LRRC37A2: variants seen among roughly 807,000 people sequenced by gnomAD.
The protein encoded by LRRC37A2 is leucine-rich repeat-containing protein 37A2.
In LRRC37A2, 9 loss-of-function variants were observed where a neutral mutation model predicts 68.8. That is an observed-to-expected ratio of 0.13 (90% CI 0.08 to 0.23). The LOEUF is 0.23. Among genes scored for constraint, LRRC37A2 ranks in the 10% least tolerant of loss-of-function variants. The pLI is 1.00. For synonymous variants in LRRC37A2, 63 were observed against 367.6 expected (o/e 0.17, Z 9.48); for missense variants, 168 against 950.4 (o/e 0.18, Z 10.82).
chr17:46,896,402 G>GAAAC, the LRRC37A2 span, among the ~76,000 whole-genome samples: 2 of 64,728 alleles, frequency 3.1e-5, no homozygotes, highest in Non-Finnish European at 5.2e-5. Context: ...GAGAAAGAAA[G>GAAAC]AAAGAAAGAA....
the LRRC37A2 span, among the ~76,000 whole-genome samples, chr17:47,023,087 G>A: frequency 6.6e-6 from 1 of 152,214 alleles, no homozygotes; most frequent in African/African-American, 2.4e-5. Context: ...TTTTGCTGAA[G>A]TTATGGATGA....
the LRRC37A2 span, among the ~76,000 whole-genome samples, chr17:46,405,954 TG>T: frequency 6.8e-6 from 1 of 146,974 alleles, no homozygotes; most frequent in Non-Finnish European, 1.5e-5. Context: ...TAATTATTTT[TG>T]TTGAAAGATA....
chr17:46,895,221 A>G, the LRRC37A2 span, among the ~76,000 whole-genome samples: 4 of 152,238 alleles, frequency 2.6e-5, no homozygotes, highest in Non-Finnish European at 4.4e-5. Context: ...GCCACCGGTC[A>G]GTGCGGAGGC....
At chr17:46,895,173 C>T in the LRRC37A2 span, among the ~76,000 whole-genome samples, 2 of 152,242 alleles carry the variant, frequency 1.3e-5, no homozygotes, top group African/African-American at 2.4e-5. Flanking sequence ...CCCCAGGCAT[C>T]GCCCTGCTCC....
the LRRC37A2 span, among the ~76,000 whole-genome samples, chr17:46,742,660 G>A: frequency 2.0e-5 from 3 of 152,190 alleles, no homozygotes; most frequent in African/African-American, 4.8e-5. Flanking sequence ...CCTTGACTTG[G>A]AGGGAAAGGC....
chr17:46,821,959 G>A, the LRRC37A2 span, among the ~76,000 whole-genome samples: 1 of 152,218 alleles, frequency 6.6e-6, no homozygotes, highest in South Asian at 2.1e-4. Flanking sequence ...GGAAATCTCC[G>A]ATCCAGGCAC....
intron 8 of LRRC37A2, among the ~76,000 whole-genome samples, chr17:46,543,908 G>A (rs1212557906): frequency 6.8e-6 from 1 of 148,132 alleles, no homozygotes; most frequent in African/African-American, 2.6e-5. Flanking sequence ...CTTGTGCCCA[G>A]GAGTTCGAGA....
intron 8 of LRRC37A2, among the ~76,000 whole-genome samples, chr17:46,542,860 G>T (rs1258079678): frequency 6.6e-6 from 1 of 150,524 alleles, no homozygotes; most frequent in African/African-American, 2.5e-5. Context: ...CTGGTTGAGG[G>T]CATTTTGCAA....
chr17:47,011,666 A>G, the LRRC37A2 span, among the ~76,000 whole-genome samples: 1 of 151,796 alleles, frequency 6.6e-6, no homozygotes, highest in Non-Finnish European at 1.5e-5. Context: ...TCAGGCTCCC[A>G]AAGTGCTGGG....
chr17:46,816,474 C>T, the LRRC37A2 span, among the ~76,000 whole-genome samples: 12 of 85,306 alleles, frequency 1.4e-4, no homozygotes, highest in East Asian at 4.8e-4. Context: ...CCAGAACACA[C>T]GCACACACAC....
At chr17:46,716,396 A>C in the LRRC37A2 span, among the ~76,000 whole-genome samples, 1 of 152,016 alleles carries the variant, frequency 6.6e-6, no homozygotes, top group East Asian at 1.9e-4. Flanking sequence ...AGCTGGGACT[A>C]CAGGCACCCG....
chr17:46,915,519 G>A, the LRRC37A2 span, among the ~76,000 whole-genome samples: 361 of 152,334 alleles, frequency 2.4e-3, 1 homozygote, highest in African/African-American at 7.7e-3. Flanking sequence ...CCTCTCAATG[G>A]TAGCAGTAGC....
the LRRC37A2 span, among the ~76,000 whole-genome samples, chr17:46,718,272 C>T: frequency 1.3e-5 from 2 of 152,150 alleles, no homozygotes; most frequent in South Asian, 4.2e-4. Context: ...GACTGGCCCT[C>T]GAGGGCACCC....
At chr17:46,896,452 A>AAGAAAGAAAGAAAGAAAG in the LRRC37A2 span, among the ~76,000 whole-genome samples, 4 of 65,876 alleles carry the variant, frequency 6.1e-5, no homozygotes, top group African/African-American at 2.1e-4. Flanking sequence ...GAAAGAAAGA[A>AAGAAAGAAAGAAAGAAAG]AAAGAAAGAA....
chr17:46,831,512 G>GTCCTGGGTC, the LRRC37A2 span: 1 of 152,500 alleles, frequency 6.6e-6, no homozygotes, highest in African/African-American at 2.4e-5. Flanking sequence ...GCTGGGCAAG[G>GTCCTGGGTC]TCCTGGGTCA....
chr17:46,728,785 AC>A, the LRRC37A2 span: 24 of 1,150,490 alleles, frequency 2.1e-5, no homozygotes, highest in East Asian at 4.9e-5. Flanking sequence ...AAAAAAAAAA[AC>A]AAAAACTGAA....
chr17:46,987,612 G>A, the LRRC37A2 span, among the ~76,000 whole-genome samples: 1 of 152,130 alleles, frequency 6.6e-6, no homozygotes, highest in Non-Finnish European at 1.5e-5. Context: ...GCCCCGATGA[G>A]TGACCCCACT....
the LRRC37A2 span, chr17:46,768,427 T>G: frequency 6.2e-7 from 1 of 1,614,044 alleles, no homozygotes; most frequent in Non-Finnish European, 8.5e-7. This position sits in a 1 kb window ranked among gnomAD's most constrained non-coding sequence, Gnocchi z 5.0. Context: ...TCCGTCCTCG[T>G]GTTGTGGCCC....
At chr17:46,777,202 T>G in the LRRC37A2 span, among the ~76,000 whole-genome samples, 5 of 151,996 alleles carry the variant, frequency 3.3e-5, no homozygotes, top group Non-Finnish European at 5.9e-5. Context: ...AGAGCGAGAC[T>G]TCGTCTCAAA....
Sources: allele counts gnomAD v4.1 joint callset (sites outside exome capture counted in the v4.1 genomes callset), GRCh38; gene constraint gnomAD v4.1.1; non-coding constraint Gnocchi (gnomAD v3.1); transcripts MANE v1.5; gene names NCBI Gene and HGNC (gene_info 2026-07-23, HGNC 2026-07-21).